Variants in C8orf34 observed in about 807,000 individuals in gnomAD.
The protein encoded by C8orf34 is chromosome 8 open reading frame 34, also known as uncharacterized protein C8orf34.
A neutral mutation model predicts 68.3 loss-of-function variants in C8orf34; 65 were observed. The observed-to-expected ratio is 0.95, with a 90% CI of 0.78 to 1.17. C8orf34 has a LOEUF of 1.17. Ranked by LOEUF, C8orf34 falls within the 50% of genes most tolerant of loss-of-function variation. The probability of loss-of-function intolerance (pLI) is 0.00; values close to 1 mark genes in which losing one functional copy is unlikely to be tolerated. For missense variants in C8orf34, 664 were observed against 655.4 expected (o/e 1.01, Z -0.14); for synonymous variants, 244 against 241.2 (o/e 1.01, Z -0.11).
At chr8:68,816,105 AGT>A (rs71554629) in intron 13 of C8orf34, among the ~76,000 whole-genome samples, 160 bp downstream of exon 13, 2,170 of 144,244 alleles carry the variant, frequency 0.015, 40 homozygotes, top group Admixed American at 0.051. Flanking sequence ...ATTTCCTAAG[AGT>A]GTGTGTGTGT....
rs112584963 is a variant in C8orf34 at position 68,509,878 on chromosome 8, C to A, written c.766-11921C>A. ...TGACTTGCACCCATGAAGCAGGGGG[C>A]CAAAGGGGTGGAATCATCTGCTTTT... On this transcript the variant is annotated intron_variant, in intron 5 of 13. Coordinates refer to ENST00000518698, the MANE Select transcript of C8orf34 (RefSeq NM_052958.4). Among the ~76,000 whole-genome samples, 14 of 152,134 alleles carry A rather than the reference C, an allele frequency of 9.2e-5. 1 individual carries two copies. The highest frequency in any genetic ancestry group is 3.4e-4 in the African/African-American group (14 of 41,506).
At chr8:68,541,339 G>T (rs1039758621) in intron 7 of C8orf34, among the ~76,000 whole-genome samples, 1 of 151,894 alleles carries the variant, frequency 6.6e-6, no homozygotes, top group East Asian at 1.9e-4. Flanking sequence ...GGTGGTGTAC[G>T]TCTGTAGTCC....
At chr8:68,761,890 T>TAA (rs34116642) in intron 10 of C8orf34, among the ~76,000 whole-genome samples, 1 of 151,676 alleles carries the variant, frequency 6.6e-6, no homozygotes, top group African/African-American at 2.4e-5. Context: ...CTATGTGATT[T>TAA]AAAAAAAAAT....
chr8:68,343,971 C>A (rs1374149388), intron 1 of C8orf34, among the ~76,000 whole-genome samples: 1 of 152,144 alleles, frequency 6.6e-6, no homozygotes, highest in Non-Finnish European at 1.5e-5. Context: ...AAGCAATCTG[C>A]CTGTCTCGGC....
chr8:68,557,131 A>T (rs1277091439), intron 7 of C8orf34, among the ~76,000 whole-genome samples: 1 of 152,156 alleles, frequency 6.6e-6, no homozygotes, highest in East Asian at 1.9e-4. Context: ...CTACATAGTG[A>T]TTGAGTATTG....
At chr8:68,804,834 CTA>C in intron 12 of C8orf34, among the ~76,000 whole-genome samples, 1 of 152,120 alleles carries the variant, frequency 6.6e-6, no homozygotes, top group South Asian at 2.1e-4. Flanking sequence ...AAAAGACAAG[CTA>C]GATTAAGATG....
chr8:68,568,280 A>G (rs1229356477), intron 7 of C8orf34, among the ~76,000 whole-genome samples: 1 of 150,268 alleles, frequency 6.7e-6, no homozygotes, highest in Non-Finnish European at 1.5e-5. Flanking sequence ...CTTTTTCTTT[A>G]TATTCACAAC....
intron 11 of C8orf34, among the ~76,000 whole-genome samples, chr8:68,780,456 A>G (rs1228077913): frequency 6.6e-6 from 1 of 151,606 alleles, no homozygotes; most frequent in Non-Finnish European, 1.5e-5. Context: ...CATTTATTTA[A>G]ATATTTTGCA....
chr8:68,364,848 G>A (rs1304820892), intron 1 of C8orf34, among the ~76,000 whole-genome samples: 1 of 151,840 alleles, frequency 6.6e-6, no homozygotes, highest in East Asian at 1.9e-4. Flanking sequence ...AGAAAAGCAA[G>A]AGCAAACACA....
intron 11 of C8orf34, among the ~76,000 whole-genome samples, chr8:68,777,201 C>T (rs1585867205): frequency 6.6e-6 from 1 of 152,218 alleles, no homozygotes; most frequent in Admixed American, 6.5e-5. Flanking sequence ...GCATTCCCCA[C>T]TTAACAGTGG....
intron 1 of C8orf34, among the ~76,000 whole-genome samples, chr8:68,403,262 G>A (rs1809038853): frequency 6.6e-6 from 1 of 152,158 alleles, no homozygotes; most frequent in Non-Finnish European, 1.5e-5. Context: ...ATCCCTTACT[G>A]TCTTGCTCAT....
intron 7 of C8orf34, among the ~76,000 whole-genome samples, chr8:68,543,902 GGT>G (rs371216100): frequency 1.3e-3 from 196 of 152,242 alleles, no homozygotes; most frequent in African/African-American, 4.6e-3. Flanking sequence ...AGGCAGCACA[GGT>G]GTTTGGTTCT....
intron 7 of C8orf34, among the ~76,000 whole-genome samples, chr8:68,566,148 A>G (rs772453407): frequency 6.6e-6 from 1 of 152,218 alleles, no homozygotes; most frequent in Non-Finnish European, 1.5e-5. Context: ...ATATAATTAT[A>G]TCAAACACTT....
intron 7 of C8orf34, among the ~76,000 whole-genome samples, chr8:68,591,385 A>G (rs1042980131): frequency 6.6e-6 from 1 of 152,178 alleles, no homozygotes; most frequent in Admixed American, 6.6e-5. Context: ...AAGATCTCTT[A>G]TTGCTGCTTT....
At chr8:68,754,250 AGAAAAAGTAAAATC>A (rs1246459333) in intron 10 of C8orf34, among the ~76,000 whole-genome samples, 3 of 152,236 alleles carry the variant, frequency 2.0e-5, no homozygotes, top group African/African-American at 7.2e-5. Context: ...TGTTGACCTT[AGAAAAAGTAAAATC>A]CTGAAAAAGT....
At chr8:68,513,201 A>G (rs1267164865) in intron 5 of C8orf34, among the ~76,000 whole-genome samples, 1 of 152,224 alleles carries the variant, frequency 6.6e-6, no homozygotes, top group Non-Finnish European at 1.5e-5. Context: ...CATGAACTGA[A>G]AGGTACCACA....
chr8:68,407,872 A>G (rs1331365678), intron 1 of C8orf34, among the ~76,000 whole-genome samples: 1 of 152,036 alleles, frequency 6.6e-6, no homozygotes, highest in Non-Finnish European at 1.5e-5. Context: ...AACCTCATGG[A>G]TTACTTATTT....
chr8:68,530,583 T>C (rs1815202167), intron 6 of C8orf34: 10 of 1,240,082 alleles, frequency 8.1e-6, no homozygotes, highest in Non-Finnish European at 1.0e-5. Flanking sequence ...ATTGTTACAT[T>C]GTTTCTCAGT....
chr8:68,643,020 C>G (rs1819058556), intron 8 of C8orf34, among the ~76,000 whole-genome samples: 1 of 152,182 alleles, frequency 6.6e-6, no homozygotes, highest in South Asian at 2.1e-4. Context: ...TAACCTCCTG[C>G]TGTGCCAGGA....
Sources: gnomAD v4.1 joint callset for allele counts (sites outside exome capture counted in the v4.1 genomes callset) on GRCh38, gnomAD v4.1.1 for gene constraint, MANE v1.5 for transcripts, NCBI Gene and HGNC (gene_info 2026-07-23, HGNC 2026-07-21) for gene names.